Variants in FLYWCH1 observed in about 807,000 individuals in gnomAD.
FLYWCH1 encodes FLYWCH-type zinc finger-containing protein 1.
Under a neutral mutation model 66.4 loss-of-function variants are expected in FLYWCH1, and 75 were observed. The observed-to-expected ratio is 1.13, with a 90% CI of 0.94 to 1.37. The LOEUF is 1.37. Ranked by LOEUF, FLYWCH1 falls within the 40% of genes most tolerant of loss-of-function variation. The pLI is 0.00. For missense variants in FLYWCH1, 1,334 were observed against 1,001.8 expected (o/e 1.33, Z -4.48); for synonymous variants, 595 against 429.9 (o/e 1.38, Z -4.75).
chr16:2,943,092 T>C (rs984620107), intron 9 of FLYWCH1, among the ~76,000 whole-genome samples: 2 of 152,132 alleles, frequency 1.3e-5, no homozygotes, highest in Non-Finnish European at 2.9e-5. Context: ...ATACAAATCA[T>C]GTGATATTTG....
chr16:2,923,090 T>G (rs893329833), intron 2 of FLYWCH1: 35 of 418,400 alleles, frequency 8.4e-5, no homozygotes, highest in South Asian at 3.6e-4. Context: ...ATAGTTTGTT[T>G]TGTGTGTGTG....
At chr16:2,922,918 G>T (rs74005524) in intron 2 of FLYWCH1, 209 of 523,390 alleles carry the variant, frequency 4.0e-4, no homozygotes, top group African/African-American at 3.6e-3. Flanking sequence ...GGTCAAGCTC[G>T]TTTCTCCTGG....
In FLYWCH1 at chr16:2,930,549, C is replaced by T. The variant is rs182713733; in HGVS notation, c.465C>T (p.Cys155=). The T allele has an allele frequency of 1.9e-6, 3 of 1,549,438 alleles. No homozygotes were observed. The Admixed American group carries it at 6.5e-5, about 33-fold the overall frequency. ...GCCGCCAACATGCTGAGCTGGGCTG[C>T]CGGGGCCGGGCCATCACCCGAGGCC... is the stretch of plus-strand genomic sequence containing the variant. ...WKCRQHAELG[C]RGRAITRGLR... The change falls in exon 4 of 10, where the codon TGC becomes TGT. Residue 155 remains cysteine (C), a synonymous_variant. Coordinates refer to ENST00000253928, the MANE Select transcript of FLYWCH1 (RefSeq NM_001308068.2).
chr16:2,925,073 G>C (rs2070510795), intron 2 of FLYWCH1, among the ~76,000 whole-genome samples: 1 of 152,240 alleles, frequency 6.6e-6, no homozygotes, highest in African/African-American at 2.4e-5. Context: ...TGGCGCAGCT[G>C]TGTCCTGCAG....
chr16:2,918,067 G>A lies in FLYWCH1; in HGVS notation c.-74+3778G>A, dbSNP rs1001367869. On this transcript the variant is annotated intron_variant, in intron 2 of 9. Transcript: ENST00000253928. ...TTGGCCGGGCTTGTCTTGAACTCCT[G>A]ACCTCAAGTGATCCACCCACCTCGG... is the stretch of plus-strand genomic sequence containing the variant. Among the ~76,000 whole-genome samples, 4 of 151,450 alleles carry A rather than the reference G, an allele frequency of 2.6e-5. No individual in the cohort carries two copies. In the South Asian group the frequency reaches 6.2e-4, roughly 24 times the overall value.
chr16:2,925,252 T>C (rs2070517178), intron 2 of FLYWCH1, among the ~76,000 whole-genome samples: 1 of 152,100 alleles, frequency 6.6e-6, no homozygotes, highest in African/African-American at 2.4e-5. Flanking sequence ...AAGGGGACTT[T>C]CTCCAGAGGG....
intron 2 of FLYWCH1, among the ~76,000 whole-genome samples, chr16:2,918,506 T>C (rs2070254151): frequency 6.7e-6 from 1 of 149,624 alleles, no homozygotes; most frequent in African/African-American, 2.5e-5. Flanking sequence ...AATGGCAGGA[T>C]CTTGGCTCAC....
intron 6 of FLYWCH1, among the ~76,000 whole-genome samples, chr16:2,934,384 C>G (rs908020163): frequency 2.0e-5 from 3 of 152,218 alleles, no homozygotes; most frequent in Admixed American, 2.0e-4. Flanking sequence ...TACTTACATG[C>G]AGCCGGTTTC....
chr16:2,926,672 C>T (rs1462169045), intron 2 of FLYWCH1, among the ~76,000 whole-genome samples: 1 of 152,228 alleles, frequency 6.6e-6, no homozygotes, highest in African/African-American at 2.4e-5. Context: ...GCTCCAAAAT[C>T]TATTACAGAT....
chr16:2,944,678 C>G (rs1371108022), intron 9 of FLYWCH1, among the ~76,000 whole-genome samples: 1 of 151,416 alleles, frequency 6.6e-6, no homozygotes, highest in African/African-American at 2.4e-5. Flanking sequence ...CAAAAATTAG[C>G]TAGGCATGGT....
intron 6 of FLYWCH1, among the ~76,000 whole-genome samples, chr16:2,934,186 C>A (rs1219650544): frequency 6.6e-6 from 1 of 152,178 alleles, no homozygotes. Context: ...AGCCCAGCCT[C>A]CCCCTTCCAG....
Position 2,937,228 on chromosome 16 carries a change from C to G in FLYWCH1, c.1621C>G (p.Arg541Gly). 23 of 1,605,334 alleles carry G rather than the reference C, an allele frequency of 1.4e-5. No homozygotes were observed. Among genetic ancestry groups the G allele is most frequent in the Non-Finnish European group, 1.9e-5 (22 of 1,177,238 alleles). ...AAGEKVYWTCRDQARMGCRSR... is the reference protein window; with the variant it reads ...AAGEKVYWTCGDQARMGCRSR... ...CGGGGAGAAGGTGTATTGGACCTGC[C>G]GGGACCAGGCCCGCATGGGCTGCCG... The change falls in exon 7 of 10, where the codon CGG becomes GGG. Residue 541 changes from arginine to glycine, a missense_variant. Arg to Gly is a moderately radical substitution (Grantham distance 125, BLOSUM62 -2). Coordinates refer to ENST00000253928, the MANE Select transcript of FLYWCH1 (RefSeq NM_001308068.2).
At chr16:2,920,511 TAAAAAA>T (rs34684083) in intron 2 of FLYWCH1, among the ~76,000 whole-genome samples, 1 of 141,604 alleles carries the variant, frequency 7.1e-6, no homozygotes. Context: ...GACTCTGTCT[TAAAAAA>T]AAAAAAAAAC....
intron 4 of FLYWCH1, among the ~76,000 whole-genome samples, 160 bp from the exon 5 acceptor site, chr16:2,932,970 G>A (rs1207722095): frequency 6.6e-6 from 1 of 152,028 alleles, no homozygotes; most frequent in African/African-American, 2.4e-5. Flanking sequence ...GGTTCAGTGG[G>A]AATGGGTTTG....
rs752990787 is a variant in FLYWCH1 at position 2,930,830 on chromosome 16, C to A, written c.746C>A (p.Ala249Asp). The A allele has an allele frequency of 2.5e-6, 4 of 1,603,058 alleles. No individual in the cohort carries two copies. The highest frequency in any genetic ancestry group is 3.4e-6 in the Non-Finnish European group (4 of 1,178,030). Residue 249 changes from alanine (A) to aspartate (D), a missense_variant, in exon 4 of 10, where the codon GCC (alanine) becomes GAC (aspartate). Physicochemically the swap from Ala to Asp is moderately radical, Grantham distance 126. Transcript: ENST00000253928. ...CTGGAGGAGGAGGAGGCACCCCGAG[C>A]CCTGTCACTGCTGAGCCTGCCGCCC... ...PALEEEEAPR[A>D]LSLLSLPPKK...
At position 2,933,344 on chromosome 16, in the gene FLYWCH1, C is replaced by T. The variant is rs1386789200; in HGVS notation, c.1011C>T (p.Gly337=). Residue 337 remains glycine, a synonymous_variant, in exon 5 of 10, where the codon GGC becomes GGT. Coordinates refer to ENST00000253928, the MANE Select transcript of FLYWCH1 (RefSeq NM_001308068.2). ...RGHCHQPDME[G]LEARRQQEKA... is the part of the protein sequence containing the mutation. ...ACTGCCACCAGCCCGATATGGAGGGCCTGGAAGCCCGGCGGCAGCAGGAGA... is the reference window on the plus strand; with the variant it reads ...ACTGCCACCAGCCCGATATGGAGGGTCTGGAAGCCCGGCGGCAGCAGGAGA... 12 of 1,606,794 alleles carry T rather than the reference C, an allele frequency of 7.5e-6. No homozygotes were observed. In the East Asian group the frequency reaches 9.0e-5, roughly 12 times the overall value.
At chr16:2,944,647 AC>A (rs2071405130) in intron 9 of FLYWCH1, among the ~76,000 whole-genome samples, 1 of 151,362 alleles carries the variant, frequency 6.6e-6, no homozygotes, top group African/African-American at 2.4e-5. Flanking sequence ...ACATGGTGAA[AC>A]CCCGTCTCTA....
At chr16:2,938,533 C>T (rs966878454) in intron 8 of FLYWCH1, 77 bp downstream of exon 8, 2 of 1,385,786 alleles carry the variant, frequency 1.4e-6, no homozygotes, top group African/African-American at 3.0e-5. Flanking sequence ...TGCCCCAGGC[C>T]AGGCACCCAC....
At chr16:2,933,628 G>GCCTC (rs2070867745) in intron 5 of FLYWCH1, 46 bp downstream of exon 5, 2 of 1,561,358 alleles carry the variant, frequency 1.3e-6, no homozygotes, top group Non-Finnish European at 1.7e-6. Context: ...CTTGACTCTT[G>GCCTC]CCTCCAGAGG....
Sources: allele counts gnomAD v4.1 joint callset (sites outside exome capture counted in the v4.1 genomes callset), GRCh38; gene constraint gnomAD v4.1.1; transcripts MANE v1.5; gene names NCBI Gene and HGNC (gene_info 2026-07-23, HGNC 2026-07-21).